GPBP1L1: variants seen among roughly 807,000 people sequenced by gnomAD.
GPBP1L1 encodes GC-rich promoter binding protein 1 like 1.
A neutral mutation model predicts 52.5 loss-of-function variants in GPBP1L1; 23 were observed. The ratio of observed to expected loss-of-function variants is 0.44; its 90% CI spans 0.32 to 0.62. The LOEUF is 0.62. Ranked by LOEUF, GPBP1L1 falls within the 20% of genes least tolerant of loss-of-function variation. The pLI, the probability that GPBP1L1 is intolerant of heterozygous loss-of-function variation, is 0.06. For missense variants in GPBP1L1, 596 were observed against 579.3 expected, an observed-to-expected ratio of 1.03 and a Z score of -0.30; for synonymous variants, 243 against 203.1, an observed-to-expected ratio of 1.20 and a Z score of -1.67.
At position 45,634,191 on chromosome 1, in the gene GPBP1L1, G is replaced by C. The variant is rs1644566454; in HGVS notation, c.790C>G (p.Leu264Val). 3 of 1,613,844 alleles carry C rather than the reference G, an allele frequency of 1.9e-6. No individual in the cohort carries two copies. In the African/African-American group the frequency reaches 4.0e-5, roughly 22 times the overall value. The change falls in exon 9 of 13, where the codon CTT (leucine) becomes GTT (valine). Residue 264 changes from leucine to valine, a missense_variant. Leu to Val is a conservative substitution (Grantham distance 32, BLOSUM62 1). Transcript: ENST00000355105. ...ANRMEHKSGSLSSSRESAFTS... is the reference protein window; with the variant it reads ...ANRMEHKSGSVSSSRESAFTS... ...AAAGCAGACTCCCGGCTAGAGGAAA[G>C]GGATCCTGACTTGTGCTCCATCCTG...
At position 45,660,405 on chromosome 1, in the gene GPBP1L1, G is replaced by C. The variant is rs1239172808; in HGVS notation, c.-277C>G. The C allele has an allele frequency of 2.0e-6, 2 of 980,904 alleles. No homozygotes were observed. The allele number at this position is 980,904 out of a possible 1,614,324, so 60.8% of individuals were successfully genotyped here. A position where few individuals can be genotyped will look rare whatever the true frequency, so the allele number is the denominator to read the frequency against. ...GACACGTTTCCAAAAGGGGAAAGGG[G>C]AAAAGGGGAAGGGGGGAAGGGGAAC... On this transcript the variant is annotated 5_prime_UTR_variant, in exon 3 of 13. Coordinates refer to ENST00000355105, the MANE Select transcript of GPBP1L1 (RefSeq NM_021639.5).
chr1:45,646,439 T>A (rs905725253), intron 6 of GPBP1L1, among the ~76,000 whole-genome samples: 3 of 152,240 alleles, frequency 2.0e-5, no homozygotes, highest in Admixed American at 6.5e-5. Context: ...ATATCTTTCT[T>A]TTTTTGTTCA....
intron 2 of GPBP1L1, among the ~76,000 whole-genome samples, chr1:45,677,932 C>G (rs555888832): frequency 6.6e-6 from 1 of 152,294 alleles, no homozygotes; most frequent in African/African-American, 2.4e-5. Context: ...ACTTTGGAAA[C>G]TGGCAAACAA....
chr1:45,659,151 A>G lies in GPBP1L1; in HGVS notation c.-55-9T>C, dbSNP rs2148479952. On this transcript the variant is annotated splice_polypyrimidine_tract_variant and intron_variant, in intron 3 of 12. Coordinates refer to ENST00000355105, the MANE Select transcript of GPBP1L1 (RefSeq NM_021639.5). ...AACCTCATGGCCAGGATCTGAAAAC[A>G]AAACAATTCAAATCACTTATGTTTA... The G allele has an allele frequency of 6.8e-7, 1 of 1,460,920 alleles. No homozygotes were observed. Among genetic ancestry groups the G allele is most frequent in the Non-Finnish European group, 9.6e-7 (1 of 1,043,396 alleles). 90.5% of individuals were successfully genotyped at this position (1,460,920 alleles called of 1,614,324 possible).
At chr1:45,645,865 T>C in intron 6 of GPBP1L1, 1 of 511,288 alleles carries the variant, frequency 2.0e-6, no homozygotes, top group Admixed American at 2.1e-5. Context: ...TCGTCTTGCT[T>C]CTTCATGGTC....
At chr1:45,628,435 A>C in intron 12 of GPBP1L1, 27 bp from the exon 13 acceptor site, 2 of 1,609,016 alleles carry the variant, frequency 1.2e-6, no homozygotes, top group Non-Finnish European at 1.7e-6. Flanking sequence ...AGAGAAAGAA[A>C]AAAGAAAAAA....
chr1:45,641,796 C>A (rs1335018686), intron 7 of GPBP1L1: 5 of 116,248 alleles, frequency 4.3e-5, no homozygotes, highest in African/African-American at 1.3e-4. Context: ...AGCCTGGCAA[C>A]AGAGTGAGAC....
intron 2 of GPBP1L1, among the ~76,000 whole-genome samples, chr1:45,670,403 T>C: frequency 6.6e-6 from 1 of 152,246 alleles, no homozygotes; most frequent in Admixed American, 6.5e-5. Flanking sequence ...TATCTTTTGA[T>C]TTTCTTTCCC....
At chr1:45,648,972 G>C (rs1030947180) in intron 6 of GPBP1L1, among the ~76,000 whole-genome samples, 1 of 152,232 alleles carries the variant, frequency 6.6e-6, no homozygotes, top group African/African-American at 2.4e-5. Context: ...GCAGGTTGCA[G>C]TGAGCCAAGA....
intron 12 of GPBP1L1, among the ~76,000 whole-genome samples, chr1:45,628,662 TTTTA>T (rs1005399282): frequency 7.9e-5 from 12 of 152,102 alleles, no homozygotes; most frequent in Admixed American, 1.3e-4. Flanking sequence ...CCTTATTTCT[TTTTA>T]TTTATTTATT....
At chr1:45,654,378 T>A in intron 6 of GPBP1L1, 165 bp downstream of exon 6, 1 of 658,712 alleles carries the variant, frequency 1.5e-6, no homozygotes, top group Non-Finnish European at 2.4e-6. Context: ...TTGGTCACCA[T>A]TTTCAAATAT....
At chr1:45,658,782 A>G in intron 4 of GPBP1L1, 1 of 463,368 alleles carries the variant, frequency 2.2e-6, no homozygotes, top group Non-Finnish European at 3.8e-6. Context: ...AACAACAACA[A>G]AAACAAAAAT....
intron 2 of GPBP1L1, among the ~76,000 whole-genome samples, chr1:45,683,003 TC>T (rs1645229410): frequency 6.6e-6 from 1 of 151,576 alleles, no homozygotes; most frequent in African/African-American, 2.4e-5. Flanking sequence ...ATGTTATTTT[TC>T]CCCTCATCTA....
chr1:45,630,337 A>T (rs1366071337), intron 11 of GPBP1L1, 145 bp downstream of exon 11: 1 of 889,574 alleles, frequency 1.1e-6, no homozygotes, highest in Non-Finnish European at 1.7e-6. Context: ...GCAACAGGCC[A>T]ACCTGGGGCA....
intron 4 of GPBP1L1, 49 bp from the exon 5 acceptor site, chr1:45,655,368 C>G: frequency 6.3e-7 from 1 of 1,589,482 alleles, no homozygotes; most frequent in Non-Finnish European, 8.6e-7. Context: ...GCTATTAGTC[C>G]TTTTCAATAT....
chr1:45,647,219 G>A (rs1249674920), intron 6 of GPBP1L1, among the ~76,000 whole-genome samples: 3 of 147,664 alleles, frequency 2.0e-5, no homozygotes, highest in South Asian at 4.2e-4. Flanking sequence ...TGCCCAGGCC[G>A]GAGTGCAATG....
intron 5 of GPBP1L1, 112 bp downstream of exon 5, chr1:45,655,078 A>G: frequency 7.2e-7 from 1 of 1,379,412 alleles, no homozygotes; most frequent in African/African-American, 1.5e-5. Flanking sequence ...AATCTAAATG[A>G]AAACTATGTT....
At chr1:45,630,715 A>G (rs1644519338) in intron 10 of GPBP1L1, 109 bp from the exon 11 acceptor site, 1 of 1,238,734 alleles carries the variant, frequency 8.1e-7, no homozygotes, top group East Asian at 2.4e-5. Flanking sequence ...TCCAAAAGAC[A>G]GCCTCAGCCC....
At position 45,660,313 on chromosome 1, in the gene GPBP1L1, A is replaced by C. The variant is rs1412284285; in HGVS notation, c.-185T>G. 2 of 985,246 alleles carry C rather than the reference A, an allele frequency of 2.0e-6. No homozygotes were observed. The highest frequency in any genetic ancestry group is 1.7e-5 in the African/African-American group (1 of 57,206). The allele number at this position is 985,246 out of a possible 1,614,324, so 61.0% of individuals were successfully genotyped here. ...GCACGACTTATGATGAAGCACGAAGAAGCCAGGTTCTGTGTCGATCACTCT... is the reference window on the plus strand; with the variant it reads ...GCACGACTTATGATGAAGCACGAAGCAGCCAGGTTCTGTGTCGATCACTCT... On this transcript the variant is annotated 5_prime_UTR_variant, in exon 3 of 13. Transcript: ENST00000355105.
Sources: gnomAD v4.1 joint callset for allele counts (sites outside exome capture counted in the v4.1 genomes callset) on GRCh38, gnomAD v4.1.1 for gene constraint, MANE v1.5 for transcripts, NCBI Gene and HGNC (gene_info 2026-07-23, HGNC 2026-07-21) for gene names.